SMIM31: variants seen among roughly 807,000 people sequenced by gnomAD.
SMIM31 encodes the protein human epithelial cell program regulator.
intron 1 of SMIM31, among the ~76,000 whole-genome samples, chr4:164,757,866 G>A (rs1231362580): frequency 6.6e-6 from 1 of 152,000 alleles, no homozygotes; most frequent in Non-Finnish European, 1.5e-5. Flanking sequence ...CTCCTACTTT[G>A]TTCTTTCTCA....
chr4:164,758,846 T>TTTTTTTTTTTTTTTTTTTTTTTTTTTG (rs1732607973), intron 1 of SMIM31, among the ~76,000 whole-genome samples: 1 of 92,244 alleles, frequency 1.1e-5, no homozygotes, highest in Admixed American at 1.5e-4. Flanking sequence ...TTTTTTGTAT[T>TTTTTTTTTTTTTTTTTTTTTTTTTTTG]TTTAGTAGAG....
chr4:164,755,526 G>GA (rs1732547599), intron 1 of SMIM31, among the ~76,000 whole-genome samples: 5 of 94,614 alleles, frequency 5.3e-5, no homozygotes, highest in African/African-American at 2.1e-4. Context: ...AGAGGGGAAG[G>GA]GAGGGAGAGG....
At chr4:164,799,969 C>T (rs1045025731) in intron 2 of SMIM31, among the ~76,000 whole-genome samples, 12 of 152,282 alleles carry the variant, frequency 7.9e-5, no homozygotes, top group African/African-American at 2.9e-4. Context: ...CCATAAGGTG[C>T]TTTAAGGCTC....
chr4:164,800,183 T>C (rs1462737880), intron 2 of SMIM31, among the ~76,000 whole-genome samples: 1 of 152,142 alleles, frequency 6.6e-6, no homozygotes, highest in East Asian at 1.9e-4. Context: ...ACAGTCACAA[T>C]TACATTTAAA....
rs147369524 is a variant in SMIM31, at chr4:164,783,232, A to AAAAAAAAAC, written c.112+12677_112+12678insAAAAAAAAC. Among the ~76,000 whole-genome samples, 66 of 127,270 alleles carry AAAAAAAAAC rather than the reference A, an allele frequency of 5.2e-4. 5 individuals carry two copies. Among genetic ancestry groups the AAAAAAAAAC allele is most frequent in the African/African-American group, 8.4e-4 (28 of 33,378 alleles). The allele number at this position is 127,270 out of a possible 152,430, so 83.5% of individuals were successfully genotyped here. A position where few individuals can be genotyped will look rare whatever the true frequency, so the allele number is the denominator to read the frequency against. On this transcript the variant is annotated intron_variant, in intron 2 of 2. Transcript: ENST00000507311. ...GACTCTGTCTCAAAAAAAAAAAAAA[A>AAAAAAAAAC]GGAATTTCTGGCCGGGTGCTGTGGC...
chr4:164,793,904 C>T (rs7695417), intron 2 of SMIM31, among the ~76,000 whole-genome samples: 110,596 of 152,052 alleles, frequency 0.73, 40,733 homozygotes, highest in Non-Finnish European at 0.8. Flanking sequence ...ACTTCTGGAA[C>T]AAAACATGAG....
At chr4:164,771,277 T>A (rs1435672573) in intron 2 of SMIM31, among the ~76,000 whole-genome samples, 4 of 152,310 alleles carry the variant, frequency 2.6e-5, no homozygotes, top group African/African-American at 9.6e-5. Context: ...TTGGAATCCA[T>A]AAAATCTTTT....
At chr4:164,773,504 G>A (rs1455459884) in intron 2 of SMIM31, among the ~76,000 whole-genome samples, 1 of 152,172 alleles carries the variant, frequency 6.6e-6, no homozygotes, top group Non-Finnish European at 1.5e-5. Flanking sequence ...GCCAGAAGAA[G>A]AAGAATGAGC....
At chr4:164,785,648 G>A (rs1416847854) in intron 2 of SMIM31, among the ~76,000 whole-genome samples, 3 of 150,650 alleles carry the variant, frequency 2.0e-5, no homozygotes, top group Admixed American at 6.6e-5. Flanking sequence ...GTGTGTGTGT[G>A]TGTATATATA....
chr4:164,788,559 G>A (rs1268296784), intron 2 of SMIM31, among the ~76,000 whole-genome samples: 1 of 126,714 alleles, frequency 7.9e-6, no homozygotes, highest in Admixed American at 1.0e-4. Context: ...GCGCAATCTC[G>A]GCTCACAGCA....
chr4:164,758,841 TG>T lies in SMIM31; in HGVS notation c.-26+4431del, dbSNP rs1178466350. The stretch of plus-strand genomic sequence containing the variant: ...TTTTTTTTTTTTTTTTTTTTTTTTT[TG>T]TATTTTTAGTAGAGACTGGGTTTCA... On this transcript the variant is annotated intron_variant, in intron 1 of 2. Transcript: ENST00000507311. 2.4e-3 allele frequency among the ~76,000 whole-genome samples: 167 copies of T among 68,428 alleles called. 1 individual carries two copies. The highest frequency in any genetic ancestry group is 7.5e-3 in the African/African-American group (155 of 20,716). The allele number at this position is 68,428 out of a possible 152,430, so 44.9% of individuals were successfully genotyped here. A position where few individuals can be genotyped will look rare whatever the true frequency, so the allele number is the denominator to read the frequency against.
chr4:164,767,322 T>C (rs1477454772), intron 1 of SMIM31, among the ~76,000 whole-genome samples: 7 of 152,204 alleles, frequency 4.6e-5, no homozygotes, highest in Admixed American at 3.9e-4. Flanking sequence ...CTTTAGTCAC[T>C]AGTAAATGAT....
chr4:164,782,029 T>A (rs1228162070), intron 2 of SMIM31, among the ~76,000 whole-genome samples: 1 of 152,034 alleles, frequency 6.6e-6, no homozygotes, highest in Non-Finnish European at 1.5e-5. Context: ...GGTGGCTCAC[T>A]CCTGTAATCC....
intron 1 of SMIM31, among the ~76,000 whole-genome samples, chr4:164,755,735 C>G (rs1484859850): frequency 6.6e-6 from 1 of 151,914 alleles, no homozygotes; most frequent in African/African-American, 2.4e-5. Context: ...AAAAAACACA[C>G]CCAGTTTCAC....
intron 2 of SMIM31, among the ~76,000 whole-genome samples, chr4:164,794,751 G>A (rs902180534): frequency 2.0e-5 from 3 of 151,842 alleles, no homozygotes; most frequent in African/African-American, 7.3e-5. Flanking sequence ...GTTGCAGTGA[G>A]CTGAGATCAG....
At position 164,772,734 on chromosome 4, in the gene SMIM31, A is replaced by G. The variant is rs571635023; in HGVS notation, c.112+2179A>G. Among the ~76,000 whole-genome samples, 739 of 151,398 alleles carry G rather than the reference A, an allele frequency of 4.9e-3. 2 individuals carry two copies. Among genetic ancestry groups the G allele is most frequent in the African/African-American group, 0.014 (567 of 41,284 alleles). On this transcript the variant is annotated intron_variant, in intron 2 of 2. Transcript: ENST00000507311. ...GCTGGGACTACAGGCGCCCGCCACC[A>G]CGCCCGGCTAATTTTTTGTATTTTT... is the stretch of plus-strand genomic sequence containing the variant.
chr4:164,761,557 T>C (rs897096546), intron 1 of SMIM31, among the ~76,000 whole-genome samples: 1 of 152,146 alleles, frequency 6.6e-6, no homozygotes, highest in Non-Finnish European at 1.5e-5. Flanking sequence ...AGCAGCCCAG[T>C]GGCCCACCAT....
intron 2 of SMIM31, among the ~76,000 whole-genome samples, chr4:164,785,903 C>T (rs772213153): frequency 4.6e-5 from 7 of 152,082 alleles, no homozygotes; most frequent in African/African-American, 1.2e-4. Flanking sequence ...CCCAGATCCT[C>T]GGAGCTCCCT....
At chr4:164,758,500 A>G (rs1426072854) in intron 1 of SMIM31, among the ~76,000 whole-genome samples, 3 of 152,018 alleles carry the variant, frequency 2.0e-5, no homozygotes, top group Admixed American at 6.5e-5. Flanking sequence ...TTTTTCATAC[A>G]TGTCCTTTAT....
Sources: gnomAD v4.1 joint callset for allele counts (sites outside exome capture counted in the v4.1 genomes callset) on GRCh38, gnomAD v4.1.1 for gene constraint, MANE v1.5 for transcripts, NCBI Gene and HGNC (gene_info 2026-07-23, HGNC 2026-07-21) for gene names.